Variants in USP34 observed in about 807,000 individuals in gnomAD.
The protein encoded by USP34 is ubiquitin specific peptidase 34.
In USP34, 70 loss-of-function variants were observed where a neutral mutation model predicts 460.3. That is an observed-to-expected ratio of 0.15 (90% CI 0.13 to 0.19). USP34 has a LOEUF of 0.19. Ranked by LOEUF, USP34 falls within the 10% of genes least tolerant of loss-of-function variation. The probability of loss-of-function intolerance (pLI) is 1.00; values close to 1 mark genes in which losing one functional copy is unlikely to be tolerated. For synonymous variants in USP34, 1,647 were observed against 1,405.3 expected, an observed-to-expected ratio of 1.17 and a Z score of -3.85; for missense variants, 3,985 against 4,236.2, an observed-to-expected ratio of 0.94 and a Z score of 1.65.
At chr2:61,397,465 C>T (rs971120761) in intron 3 of USP34, among the ~76,000 whole-genome samples, 2 of 148,522 alleles carry the variant, frequency 1.3e-5, no homozygotes, top group African/African-American at 5.0e-5. Context: ...AAAAAATTCA[C>T]GCTGAAAAGA....
At chr2:61,333,410 C>T (rs1691328567) in intron 19 of USP34, among the ~76,000 whole-genome samples, 1 of 152,012 alleles carries the variant, frequency 6.6e-6, no homozygotes, top group Non-Finnish European at 1.5e-5. Flanking sequence ...GAGTGTCCTA[C>T]TGATGCTCCA....
At chr2:61,415,717 CTG>C (rs550522663) in intron 2 of USP34, among the ~76,000 whole-genome samples, 2 of 152,194 alleles carry the variant, frequency 1.3e-5, no homozygotes, top group Non-Finnish European at 2.9e-5. Flanking sequence ...TTTTTAAACT[CTG>C]TATTACTTAT....
chr2:61,189,365 CG>C (rs1232417394), intron 78 of USP34: 1 of 205,460 alleles, frequency 4.9e-6, no homozygotes, highest in Non-Finnish European at 9.7e-6. Flanking sequence ...CTCCACCACC[CG>C]GGTTCAAGCG....
chr2:61,256,262 C>T (rs1688722250), intron 48 of USP34, 122 bp downstream of exon 48: 5 of 837,390 alleles, frequency 6.0e-6, no homozygotes, highest in Non-Finnish European at 9.6e-6. Context: ...TGAGACTGAG[C>T]TCCATGCAGC....
At chr2:61,362,359 C>A (rs1203309447) in intron 10 of USP34, among the ~76,000 whole-genome samples, 1 of 152,174 alleles carries the variant, frequency 6.6e-6, no homozygotes, top group East Asian at 1.9e-4. Context: ...TTCACTCTCA[C>A]ATTCACTGCA....
intron 3 of USP34, among the ~76,000 whole-genome samples, chr2:61,402,014 G>A (rs1054586024): frequency 2.6e-5 from 4 of 151,778 alleles, no homozygotes; most frequent in Non-Finnish European, 5.9e-5. Flanking sequence ...CACTTTGGAG[G>A]TCAAGGCAGG....
In USP34 at chr2:61,188,077, A is replaced by G. The variant is rs1475316115; in HGVS notation, c.*25T>C. ...CATGGGGGTTGGGGGTGAGGGACTT[A>G]AAAGTAGACATGCTACACCTAATGT... On this transcript the variant is annotated 3_prime_UTR_variant, in exon 80 of 80. Coordinates refer to ENST00000398571, the MANE Select transcript of USP34 (RefSeq NM_014709.4). 4 of 1,591,172 alleles carry G rather than the reference A, an allele frequency of 2.5e-6. No individual in the cohort carries two copies. Among genetic ancestry groups the G allele is most frequent in the African/African-American group, 1.4e-5 (1 of 74,038 alleles).
intron 41 of USP34, among the ~76,000 whole-genome samples, chr2:61,266,731 A>C (rs1689058480): frequency 6.6e-6 from 1 of 152,174 alleles, no homozygotes; most frequent in Non-Finnish European, 1.5e-5. Context: ...ACTATGGTAC[A>C]TTGGTCTGCA....
chr2:61,323,113 C>G (rs1033210489), intron 21 of USP34, among the ~76,000 whole-genome samples: 1 of 152,178 alleles, frequency 6.6e-6, no homozygotes, highest in African/African-American at 2.4e-5. Flanking sequence ...GCACAGTAGT[C>G]TGAGGCCTGT....
chr2:61,469,715 A>T (rs142019910), intron 1 of USP34, among the ~76,000 whole-genome samples: 1 of 152,392 alleles, frequency 6.6e-6, no homozygotes, highest in Non-Finnish European at 1.5e-5. Flanking sequence ...TAAACTGTTC[A>T]TAAGTGAGCA....
intron 1 of USP34, among the ~76,000 whole-genome samples, chr2:61,434,959 A>G (rs946050701): frequency 2.0e-5 from 3 of 152,182 alleles, no homozygotes; most frequent in Non-Finnish European, 4.4e-5. Context: ...AAGGGAATAC[A>G]GGTAAGAACT....
chr2:61,251,069 C>T (rs920915713), intron 48 of USP34, among the ~76,000 whole-genome samples: 10 of 152,048 alleles, frequency 6.6e-5, no homozygotes, highest in African/African-American at 9.7e-5. Context: ...ACCCGGGAGG[C>T]GGAGCTGGCA....
chr2:61,206,531 T>C (rs1243411757), intron 71 of USP34, among the ~76,000 whole-genome samples: 1 of 152,216 alleles, frequency 6.6e-6, no homozygotes, highest in Non-Finnish European at 1.5e-5. Flanking sequence ...ATCTCTGAAA[T>C]CTTGATACCT....
intron 2 of USP34, among the ~76,000 whole-genome samples, chr2:61,420,376 A>AT (rs1318424651): frequency 6.6e-6 from 1 of 152,170 alleles, no homozygotes; most frequent in Non-Finnish European, 1.5e-5. Flanking sequence ...AACGGAACAG[A>AT]TATTAAGTGG....
chr2:61,370,509 A>G lies in USP34; in HGVS notation c.1147T>C (p.Leu383=). 1 of 1,613,908 alleles carries G rather than the reference A, an allele frequency of 6.2e-7. No homozygotes were observed. Among genetic ancestry groups the G allele is most frequent in the Non-Finnish European group, 8.5e-7 (1 of 1,179,926 alleles). Residue 383 remains leucine, a synonymous_variant, in exon 9 of 80, where the codon TTA becomes CTA. Coordinates refer to ENST00000398571, the MANE Select transcript of USP34 (RefSeq NM_014709.4). ...AATCATCCACAAACCTCAATATGTA[A>G]ATTTGGTCCAAATATATGCTCCACC... ...NVVEHIFGPN[L]HIEIIKQCQV...
chr2:61,192,753 C>A, intron 76 of USP34, 148 bp downstream of exon 76: 5 of 557,950 alleles, frequency 9.0e-6, no homozygotes, highest in Non-Finnish European at 1.3e-5. Flanking sequence ...TATGTAATAG[C>A]TAGTATTTTC....
At chr2:61,466,754 A>C (rs909721025) in intron 1 of USP34, among the ~76,000 whole-genome samples, 2 of 152,182 alleles carry the variant, frequency 1.3e-5, no homozygotes, top group African/African-American at 4.8e-5. Flanking sequence ...TCTACTAAAA[A>C]TACAAAAATT....
At chr2:61,299,533 G>A (rs565861805) in intron 29 of USP34, among the ~76,000 whole-genome samples, 2 of 152,152 alleles carry the variant, frequency 1.3e-5, no homozygotes, top group East Asian at 1.9e-4. Flanking sequence ...TGGGAGGATC[G>A]CTTGAAGCCA....
At position 61,284,879 on chromosome 2, in the gene USP34, G is replaced by A. The variant is rs1157494795; in HGVS notation, c.4828C>T (p.Pro1610Ser). 1 of 1,607,018 alleles carries A rather than the reference G, an allele frequency of 6.2e-7. No homozygotes were observed. Among genetic ancestry groups the A allele is most frequent in the Non-Finnish European group, 8.5e-7 (1 of 1,176,676 alleles). The change falls in exon 35 of 80, where the codon CCT (proline) becomes TCT (serine). Residue 1610 changes from proline to serine, a missense_variant. Pro to Ser is a moderately conservative substitution (Grantham distance 74). Transcript: ENST00000398571. Reference protein sequence around the residue: ...SVAYTYDNLAPRVLKAQSDHR... With the variant: ...SVAYTYDNLASRVLKAQSDHR... ...AATATATCTTAAAATGCATACCTAG[G>A]AGCCAGATTATCATACGTATAAGCA...
Sources: gnomAD v4.1 joint callset for allele counts (sites outside exome capture counted in the v4.1 genomes callset) on GRCh38, gnomAD v4.1.1 for gene constraint, MANE v1.5 for transcripts, NCBI Gene and HGNC (gene_info 2026-07-23, HGNC 2026-07-21) for gene names.